Variants in ROBO2 observed in about 807,000 individuals in gnomAD.
ROBO2 encodes roundabout homolog 2.
A neutral mutation model predicts 160.8 loss-of-function variants in ROBO2; 53 were observed. The observed-to-expected ratio is 0.33, with a 90% CI of 0.26 to 0.41. ROBO2 has a LOEUF of 0.41. ROBO2 is among the 10% of genes least tolerant of loss of function. The probability of loss-of-function intolerance (pLI) is 1.00; values close to 1 mark genes in which losing one functional copy is unlikely to be tolerated. For missense variants in ROBO2, 1,577 were observed against 1,722.4 expected, an observed-to-expected ratio of 0.92 and a Z score of 1.49; for synonymous variants, 664 against 611.7, an observed-to-expected ratio of 1.09 and a Z score of -1.26.
intron 2 of ROBO2, among the ~76,000 whole-genome samples, chr3:76,594,377 A>C (rs1051479446): frequency 2.0e-5 from 3 of 152,002 alleles, no homozygotes; most frequent in African/African-American, 7.2e-5. Flanking sequence ...AGTTATTATC[A>C]TCATTTGGGT....
intron 2 of ROBO2, among the ~76,000 whole-genome samples, chr3:77,285,319 CAA>C (rs772919838): frequency 2.0e-5 from 3 of 151,742 alleles, no homozygotes; most frequent in Non-Finnish European, 4.4e-5. Context: ...AATATTAAAA[CAA>C]AAAAAGAGAA....
At chr3:75,951,858 T>C (rs545868270) in intron 2 of ROBO2, among the ~76,000 whole-genome samples, 1 of 152,164 alleles carries the variant, frequency 6.6e-6, no homozygotes, top group African/African-American at 2.4e-5. Context: ...AGCTCCCTTG[T>C]GTACTTTATA....
At chr3:76,692,802 T>G (rs528731815) in intron 2 of ROBO2, among the ~76,000 whole-genome samples, 28 of 152,120 alleles carry the variant, frequency 1.8e-4, no homozygotes, top group African/African-American at 6.5e-4. Flanking sequence ...TATTTTTATA[T>G]GCATAATTCT....
At chr3:77,154,659 G>T (rs62251812) in intron 2 of ROBO2, among the ~76,000 whole-genome samples, 37 of 152,096 alleles carry the variant, frequency 2.4e-4, no homozygotes, top group Non-Finnish European at 4.6e-4. Context: ...AGAAAATGTG[G>T]TGCATGTATG....
intron 2 of ROBO2, among the ~76,000 whole-genome samples, chr3:76,168,656 A>G (rs529294293): frequency 1.6e-4 from 24 of 152,158 alleles, no homozygotes; most frequent in Non-Finnish European, 3.1e-4. Flanking sequence ...GAGGTTAATT[A>G]TACTAAACAA....
At chr3:77,333,535 A>G (rs954713138) in intron 2 of ROBO2, among the ~76,000 whole-genome samples, 12 of 152,202 alleles carry the variant, frequency 7.9e-5, no homozygotes, top group African/African-American at 2.7e-4. Context: ...TTATGTAGAG[A>G]AGTATGTTTG....
chr3:76,887,500 C>T (rs1481033247), intron 2 of ROBO2, among the ~76,000 whole-genome samples: 1 of 151,910 alleles, frequency 6.6e-6, no homozygotes, highest in Non-Finnish European at 1.5e-5. Flanking sequence ...GGGGGTTGTG[C>T]GGTGGCTGAC....
intron 2 of ROBO2, among the ~76,000 whole-genome samples, chr3:77,335,429 G>C (rs1193838625): frequency 6.6e-6 from 1 of 152,096 alleles, no homozygotes; most frequent in Admixed American, 6.5e-5. Context: ...AACAAAAAAA[G>C]CAGAGATCAA....
At chr3:77,228,716 A>G (rs1298811802) in intron 2 of ROBO2, among the ~76,000 whole-genome samples, 1 of 152,196 alleles carries the variant, frequency 6.6e-6, no homozygotes, top group East Asian at 1.9e-4. Flanking sequence ...CTGCACATGT[A>G]TCCCAGAACT....
At chr3:76,647,753 A>G (rs2091050732) in intron 2 of ROBO2, among the ~76,000 whole-genome samples, 1 of 152,138 alleles carries the variant, frequency 6.6e-6, no homozygotes, top group Non-Finnish European at 1.5e-5. Context: ...GAGGCAGACT[A>G]AAAAGGGAAG....
chr3:77,464,045 C>G (rs1040390343), intron 2 of ROBO2, among the ~76,000 whole-genome samples: 2 of 152,174 alleles, frequency 1.3e-5, no homozygotes, highest in African/African-American at 4.8e-5. Context: ...ACTTCCTTTA[C>G]TTTTCACTGT....
At chr3:76,615,064 A>C (rs979360480) in intron 2 of ROBO2, among the ~76,000 whole-genome samples, 1 of 152,140 alleles carries the variant, frequency 6.6e-6, no homozygotes, top group East Asian at 1.9e-4. Flanking sequence ...TTCTACCAAT[A>C]GGAAATTAAA....
chr3:76,155,277 G>A (rs952842640), intron 2 of ROBO2, among the ~76,000 whole-genome samples: 9 of 152,082 alleles, frequency 5.9e-5, no homozygotes, highest in Admixed American at 1.3e-4. Flanking sequence ...AGAACACAAC[G>A]CCAACTATAT....
intron 1 of ROBO2, among the ~76,000 whole-genome samples, chr3:75,919,781 A>G (rs562735398): frequency 6.6e-6 from 1 of 152,314 alleles, no homozygotes; most frequent in East Asian, 1.9e-4. Context: ...GTATGTGTCC[A>G]GGAATTTATC....
chr3:77,083,697 G>A (rs985590880), intron 1 of ROBO2, among the ~76,000 whole-genome samples: 24 of 152,106 alleles, frequency 1.6e-4, no homozygotes, highest in Non-Finnish European at 2.9e-4. Flanking sequence ...ATGCCTAAGC[G>A]GTTATGATAG....
chr3:77,572,384 A>G (rs2093658878), intron 13 of ROBO2, among the ~76,000 whole-genome samples: 1 of 151,862 alleles, frequency 6.6e-6, no homozygotes, highest in Non-Finnish European at 1.5e-5. Context: ...GCCTTATTTC[A>G]TAGTGTCAGA....
intron 1 of ROBO2, among the ~76,000 whole-genome samples, chr3:75,912,978 ATATT>A (rs1946663209): frequency 6.6e-6 from 1 of 152,162 alleles, no homozygotes; most frequent in African/African-American, 2.4e-5. Flanking sequence ...AAAATAACAC[ATATT>A]TATTGTCTTA....
At chr3:77,327,035 C>G (rs574587647) in intron 2 of ROBO2, among the ~76,000 whole-genome samples, 169 of 152,196 alleles carry the variant, frequency 1.1e-3, no homozygotes, top group African/African-American at 3.7e-3. Flanking sequence ...GCAGGCAGTT[C>G]TCAATTTACA....
chr3:76,716,815 G>A (rs1443354255), intron 2 of ROBO2, among the ~76,000 whole-genome samples: 1 of 152,118 alleles, frequency 6.6e-6, no homozygotes, highest in East Asian at 1.9e-4. Context: ...TGCTTCATGG[G>A]ATGGCCAGTG....
Sources: gnomAD v4.1 joint callset for allele counts (sites outside exome capture counted in the v4.1 genomes callset) on GRCh38, gnomAD v4.1.1 for gene constraint, MANE v1.5 for transcripts, NCBI Gene and HGNC (gene_info 2026-07-23, HGNC 2026-07-21) for gene names.